BANK1: variants seen among roughly 807,000 people sequenced by gnomAD.
BANK1 encodes B-cell scaffold protein with ankyrin repeats.
A neutral mutation model predicts 94.5 loss-of-function variants in BANK1; 95 were observed. That is an observed-to-expected ratio of 1.00 (90% CI 0.85 to 1.19). The LOEUF (loss-of-function observed/expected upper bound fraction) is 1.19. Among genes scored for constraint, BANK1 ranks in the 50% most tolerant of loss-of-function variants. BANK1 has a pLI of 0.00. For synonymous variants in BANK1, 334 were observed against 308.4 expected (o/e 1.08, Z -0.87); for missense variants, 987 against 932.2 (o/e 1.06, Z -0.77).
chr4:101,998,282 C>T (rs534320965), intron 7 of BANK1, among the ~76,000 whole-genome samples: 46 of 152,148 alleles, frequency 3.0e-4, no homozygotes, highest in South Asian at 6.2e-4. Flanking sequence ...TTCTGAGAGA[C>T]GGTTTGTTAT....
intron 7 of BANK1, among the ~76,000 whole-genome samples, chr4:101,990,988 G>A (rs1327837465): frequency 6.6e-6 from 1 of 152,156 alleles, no homozygotes; most frequent in Non-Finnish European, 1.5e-5. Flanking sequence ...GCTTCCATAT[G>A]TTGAAGACTT....
intron 1 of BANK1, among the ~76,000 whole-genome samples, chr4:101,811,692 A>G (rs1004639492): frequency 6.6e-6 from 1 of 152,106 alleles, no homozygotes; most frequent in African/African-American, 2.4e-5. Flanking sequence ...CATTTTATAA[A>G]ATTCAGATCT....
At chr4:101,917,567 T>C (rs1254293022) in intron 6 of BANK1, among the ~76,000 whole-genome samples, 1 of 151,954 alleles carries the variant, frequency 6.6e-6, no homozygotes, top group Non-Finnish European at 1.5e-5. Context: ...TTCATGTTCA[T>C]TTCAACTTTG....
At chr4:101,910,235 T>C (rs1253002731) in intron 6 of BANK1, among the ~76,000 whole-genome samples, 1 of 152,224 alleles carries the variant, frequency 6.6e-6, no homozygotes, top group South Asian at 2.1e-4. Context: ...AATTTTTATA[T>C]GATGCTGATT....
chr4:102,071,191 T>C, intron 13 of BANK1, 84 bp from the exon 14 acceptor site: 1 of 1,447,228 alleles, frequency 6.9e-7, no homozygotes, highest in South Asian at 1.2e-5. Flanking sequence ...CAAGAAGTAG[T>C]CCAACAATTA....
intron 9 of BANK1, among the ~76,000 whole-genome samples, chr4:102,028,666 C>A (rs1165600480): frequency 6.6e-6 from 1 of 152,022 alleles, no homozygotes; most frequent in Non-Finnish European, 1.5e-5. Flanking sequence ...CATTAAAATT[C>A]TTTTTAATTT....
At chr4:102,038,910 G>A (rs1727610505) in intron 10 of BANK1, among the ~76,000 whole-genome samples, 1 of 152,068 alleles carries the variant, frequency 6.6e-6, no homozygotes, top group Admixed American at 6.6e-5. Flanking sequence ...CAACTTGAAA[G>A]GAAAATTAAT....
At chr4:101,792,465 GTGTGTTTTTTT>G (rs1330540561) in intron 1 of BANK1, among the ~76,000 whole-genome samples, 227 of 48,098 alleles carry the variant, frequency 4.7e-3, no homozygotes, top group African/African-American at 8.9e-3. Context: ...GTGTGTGTGT[GTGTGTTTTTTT>G]TTTTTTAATG....
chr4:101,909,762 A>G (rs930830966), intron 6 of BANK1, among the ~76,000 whole-genome samples: 6 of 152,236 alleles, frequency 3.9e-5, no homozygotes, highest in African/African-American at 1.4e-4. Context: ...TAAAAATATC[A>G]CATTGTACAC....
chr4:101,860,119 A>G (rs1727812516), intron 3 of BANK1, among the ~76,000 whole-genome samples: 1 of 152,228 alleles, frequency 6.6e-6, no homozygotes, highest in Admixed American at 6.5e-5. Context: ...GAAGGAGAAA[A>G]GGAATTAAAT....
At chr4:101,958,986 T>A (rs1055506540) in intron 7 of BANK1, among the ~76,000 whole-genome samples, 1 of 152,204 alleles carries the variant, frequency 6.6e-6, no homozygotes, top group Non-Finnish European at 1.5e-5. Context: ...CGGATGGTCC[T>A]GTAAAATCAG....
Position 102,025,307 on chromosome 4 carries a change from A to G in BANK1, c.1392A>G (p.Ser464=), listed in dbSNP as rs1377244989. 3.1e-6 allele frequency: 5 copies of G among 1,614,012 alleles called. No homozygotes were observed. In the African/African-American group the frequency reaches 6.7e-5, roughly 22 times the overall value. ...AAGGGGAAGGAAAACAGAATGGATC[A>G]GGCATGGAGACCAAACACAGCCCAC... ...EMEGEGKQNG[S]GMETKHSPLE... Residue 464 remains serine, a synonymous_variant, in exon 9 of 17, where the codon TCA becomes TCG. Coordinates refer to ENST00000322953, the MANE Select transcript of BANK1 (RefSeq NM_017935.5).
At chr4:101,978,198 A>G (rs1725201607) in intron 7 of BANK1, among the ~76,000 whole-genome samples, 1 of 152,062 alleles carries the variant, frequency 6.6e-6, no homozygotes, top group Non-Finnish European at 1.5e-5. Context: ...GATTTCATTT[A>G]CTCAATTTTG....
At position 102,030,055 on chromosome 4, in the gene BANK1, A is replaced by G. The variant is rs1393385629; in HGVS notation, c.1690A>G (p.Lys564Glu). ...TGDEPKGEKE[K>E]KEEEKEQEEE... ...AGATGAACCCAAAGGAGAAAAAGAG[A>G]AGAAAGAAGAGGAAAAAGAGCAGGA... is the stretch of plus-strand genomic sequence containing the variant. Residue 564 changes from lysine (K) to glutamate (E), a missense_variant, in exon 10 of 17, where the codon AAG becomes GAG. Transcript: ENST00000322953. 1.2e-6 allele frequency: 2 copies of G among 1,613,886 alleles called. No individual in the cohort carries two copies. The highest frequency in any genetic ancestry group is 1.7e-6 in the Non-Finnish European group (2 of 1,179,838).
At chr4:101,794,023 T>C (rs933248118) in intron 1 of BANK1, among the ~76,000 whole-genome samples, 19 of 152,098 alleles carry the variant, frequency 1.2e-4, no homozygotes, top group Non-Finnish European at 2.8e-4. Flanking sequence ...TGTATAAAGA[T>C]ACTGCAATAT....
At chr4:101,891,706 TA>T (rs74910313) in intron 5 of BANK1, among the ~76,000 whole-genome samples, 4,646 of 152,166 alleles carry the variant, frequency 0.031, 148 homozygotes, top group South Asian at 0.15. Context: ...TCAGATTGAG[TA>T]ATTTTTATTG....
At chr4:101,866,675 A>G (rs1728081549) in intron 4 of BANK1, among the ~76,000 whole-genome samples, 1 of 115,194 alleles carries the variant, frequency 8.7e-6, no homozygotes, top group Non-Finnish European at 1.8e-5. Context: ...GTATATACCC[A>G]AAGGACTATA....
chr4:101,919,114 C>T (rs1455774178), intron 7 of BANK1, among the ~76,000 whole-genome samples: 2 of 151,878 alleles, frequency 1.3e-5, no homozygotes, highest in Non-Finnish European at 2.9e-5. Context: ...TCACTGTATG[C>T]AGGCATTGAA....
At chr4:101,930,755 T>A (rs1460151627) in intron 7 of BANK1, among the ~76,000 whole-genome samples, 1 of 151,556 alleles carries the variant, frequency 6.6e-6, no homozygotes, top group Non-Finnish European at 1.5e-5. Flanking sequence ...TAAGTAGAGA[T>A]GAGTTTTGAA....
Sources: allele counts gnomAD v4.1 joint callset (sites outside exome capture counted in the v4.1 genomes callset), GRCh38; gene constraint gnomAD v4.1.1; transcripts MANE v1.5; gene names NCBI Gene and HGNC (gene_info 2026-07-23, HGNC 2026-07-21).